The following AFAP1L2 variants were observed in gnomAD, a reference collection of about 807,000 sequenced individuals.
AFAP1L2 encodes actin filament-associated protein 1-like 2.
AFAP1L2 carries 46 observed loss-of-function variants against 99.3 expected under a neutral mutation model. The ratio of observed to expected loss-of-function variants is 0.46; its 90% CI spans 0.37 to 0.59. The LOEUF (loss-of-function observed/expected upper bound fraction) is 0.59. Among genes scored for constraint, AFAP1L2 ranks in the 20% least tolerant of loss-of-function variants. The probability of loss-of-function intolerance (pLI) is 0.00; values close to 1 mark genes in which losing one functional copy is unlikely to be tolerated. For synonymous variants in AFAP1L2, 397 were observed against 419.1 expected (o/e 0.95, Z 0.64); for missense variants, 959 against 1,034.9 (o/e 0.93, Z 1.01).
chr10:114,294,152 C>T (rs2039855764), downstream of AFAP1L2, among the ~76,000 whole-genome samples: 1 of 152,160 alleles, frequency 6.6e-6, no homozygotes, highest in Non-Finnish European at 1.5e-5. Flanking sequence ...CATTATGCAT[C>T]ATTCTATAAA....
intron 1 of AFAP1L2, among the ~76,000 whole-genome samples, chr10:114,341,670 C>T (rs1346076501): frequency 6.6e-6 from 1 of 151,958 alleles, no homozygotes; most frequent in Non-Finnish European, 1.5e-5. Flanking sequence ...CTCAGAAGCC[C>T]TACCTGGCCT....
intron 2 of AFAP1L2, among the ~76,000 whole-genome samples, chr10:114,338,411 A>C (rs1019680293): frequency 1.1e-4 from 17 of 152,206 alleles, no homozygotes; most frequent in African/African-American, 4.1e-4. Flanking sequence ...ACTTCACAAA[A>C]AGGGTTTTCC....
the AFAP1L2 span, among the ~76,000 whole-genome samples, chr10:114,288,709 C>G: frequency 6.6e-6 from 1 of 152,200 alleles, no homozygotes; most frequent in Non-Finnish European, 1.5e-5. Context: ...CGTGGCCACC[C>G]TAGCTGCCAG....
intron 1 of AFAP1L2, among the ~76,000 whole-genome samples, chr10:114,345,714 C>A (rs972757524): frequency 6.6e-6 from 1 of 152,222 alleles, no homozygotes; most frequent in Non-Finnish European, 1.5e-5. Flanking sequence ...TGTAGTCATT[C>A]CCAGGGAGCC....
chr10:114,388,564 C>G (rs772730187), intron 1 of AFAP1L2, among the ~76,000 whole-genome samples: 2 of 152,226 alleles, frequency 1.3e-5, no homozygotes, highest in African/African-American at 4.8e-5. Flanking sequence ...CTGCTTTCCT[C>G]CACTAGAACA....
Position 114,302,378 on chromosome 10 carries a change from C to G in AFAP1L2, c.1391G>C (p.Arg464Thr). ...GGCCGCACTCACAATACAGGAGACC[C>G]TATCGGCATCCACATAGTCGTAGGT... ...EFTYDYVDAD[R>T]VSCIVSAAKN... is the part of the protein sequence containing the mutation. Residue 464 changes from arginine to threonine, a missense_variant, in exon 12 of 19, where the codon AGG becomes ACG. Physicochemically the swap from Arg to Thr is moderately conservative, Grantham distance 71 (BLOSUM62 -1). Around this residue, in one of 2 missense-constraint regions of AFAP1L2, gnomAD observed 576 missense variants for 562.1 expected, o/e 1.02. Coordinates refer to ENST00000304129, the MANE Select transcript of AFAP1L2 (RefSeq NM_001001936.3). The G allele has an allele frequency of 6.2e-7, 1 of 1,614,168 alleles. No homozygotes were observed. Among genetic ancestry groups the G allele is most frequent in the Non-Finnish European group, 8.5e-7 (1 of 1,180,030 alleles).
chr10:114,312,619 A>G (rs941793387), intron 7 of AFAP1L2, among the ~76,000 whole-genome samples: 3 of 152,140 alleles, frequency 2.0e-5, no homozygotes, highest in African/African-American at 7.2e-5. Context: ...TCCAGCCCCA[A>G]ATCACTCAGC....
intron 1 of AFAP1L2, among the ~76,000 whole-genome samples, chr10:114,370,778 C>T (rs1437692676): frequency 6.6e-6 from 1 of 152,130 alleles, no homozygotes; most frequent in African/African-American, 2.4e-5. Flanking sequence ...GACCTGTGCC[C>T]CGCTTCTGTA....
At chr10:114,331,041 A>G (rs1211875139) in intron 4 of AFAP1L2, among the ~76,000 whole-genome samples, 1 of 152,206 alleles carries the variant, frequency 6.6e-6, no homozygotes, top group African/African-American at 2.4e-5. Context: ...AGGCCTGACC[A>G]CAGTGACAGA....
chr10:114,356,429 T>A (rs188358866), intron 1 of AFAP1L2, among the ~76,000 whole-genome samples: 2 of 152,382 alleles, frequency 1.3e-5, no homozygotes, highest in Admixed American at 6.5e-5. Context: ...TAAACATTTT[T>A]AAAATATTGA....
chr10:114,294,756 C>G, downstream of AFAP1L2: 1 of 910,154 alleles, frequency 1.1e-6, no homozygotes, highest in Non-Finnish European at 1.3e-6. Flanking sequence ...GTGTAAATAA[C>G]CAAAACATTT....
chr10:114,284,941 C>A, the AFAP1L2 span: 1 of 1,603,642 alleles, frequency 6.2e-7, no homozygotes, highest in Non-Finnish European at 8.5e-7. Context: ...TGCCTCTGCC[C>A]GCTGGCCTTT....
chr10:114,313,774 A>T, intron 7 of AFAP1L2, 97 bp downstream of exon 7: 1 of 1,291,012 alleles, frequency 7.7e-7, no homozygotes, highest in Non-Finnish European at 1.0e-6. Context: ...TTGAAGGATC[A>T]CAAATCCTCT....
intron 5 of AFAP1L2, among the ~76,000 whole-genome samples, chr10:114,322,751 A>G (rs543472896): frequency 6.6e-6 from 1 of 152,148 alleles, no homozygotes. Context: ...AGTCCAGTGA[A>G]AGAACATGGA....
downstream of AFAP1L2, chr10:114,294,708 G>T (rs1403664862): frequency 1.9e-5 from 12 of 628,740 alleles, no homozygotes; most frequent in African/African-American, 9.9e-5. Flanking sequence ...ATTCAAGGAG[G>T]CTGAGTTTCC....
rs117034055 is a variant in AFAP1L2, at chr10:114,391,627, T to C, written c.16+12813A>G. 1.9e-3 allele frequency among the ~76,000 whole-genome samples: 292 copies of C among 152,290 alleles called. 1 individual carries two copies. The highest frequency in any genetic ancestry group is 5.0e-3 in the Admixed American group (76 of 15,292). On this transcript the variant is annotated intron_variant, in intron 1 of 18. Coordinates refer to ENST00000304129, the MANE Select transcript of AFAP1L2 (RefSeq NM_001001936.3). ...AGGAGCTTACAGCCTACTAGAAATATAGACTTCCATCAACAGACACAATGA... is the reference window on the plus strand; with the variant it reads ...AGGAGCTTACAGCCTACTAGAAATACAGACTTCCATCAACAGACACAATGA...
At chr10:114,286,384 G>C in the AFAP1L2 span, 1 of 1,613,732 alleles carries the variant, frequency 6.2e-7, no homozygotes, top group African/African-American at 1.3e-5. Flanking sequence ...TAGGCAGTGA[G>C]GCCGTGCGGG....
chr10:114,331,748 TG>T, intron 4 of AFAP1L2, 54 bp downstream of exon 4: 1 of 1,231,380 alleles, frequency 8.1e-7, no homozygotes, highest in South Asian at 2.6e-5. Flanking sequence ...TGGAGACAAC[TG>T]GAAGTTCAAG....
At position 114,363,769 on chromosome 10, in the gene AFAP1L2, A is replaced by C. The variant is rs548071089; in HGVS notation, c.17-23038T>G. On this transcript the variant is annotated intron_variant, in intron 1 of 18. Coordinates refer to ENST00000304129, the MANE Select transcript of AFAP1L2 (RefSeq NM_001001936.3). ...TTCAGCCGGTTCTGTTCATATCATG[A>C]AAGAACAGTGCTGTTGTGTGATGGC... 1.0e-3 allele frequency among the ~76,000 whole-genome samples: 152 copies of C among 152,332 alleles called. 1 individual carries two copies. Among genetic ancestry groups the C allele is most frequent in the African/African-American group, 3.5e-3 (146 of 41,586 alleles).
Sources: allele counts gnomAD v4.1 joint callset (sites outside exome capture counted in the v4.1 genomes callset), GRCh38; gene constraint gnomAD v4.1.1; regional missense constraint gnomAD v4.1.1; transcripts MANE v1.5; gene names NCBI Gene and HGNC (gene_info 2026-07-23, HGNC 2026-07-21).